Variants in NARS2 observed in about 807,000 individuals in gnomAD.
NARS2 encodes the protein asparaginyl-tRNA synthetase.
NARS2 carries 60 observed loss-of-function variants against 62.9 expected under a neutral mutation model. The ratio of observed to expected loss-of-function variants is 0.95; its 90% confidence interval spans 0.77 to 1.18. The LOEUF (loss-of-function observed/expected upper bound fraction) is 1.18. Among genes scored for constraint, NARS2 ranks in the 50% most tolerant of loss-of-function variants. The probability of loss-of-function intolerance (pLI) is 0.00; values close to 1 mark genes in which losing one functional copy is unlikely to be tolerated. For missense variants in NARS2, 619 were observed against 576.4 expected (o/e 1.07, Z -0.76); for synonymous variants, 196 against 200.0 (o/e 0.98, Z 0.17).
intron 6 of NARS2, among the ~76,000 whole-genome samples, chr11:78,513,498 C>A (rs927844434): frequency 6.6e-6 from 1 of 152,062 alleles, no homozygotes; most frequent in South Asian, 2.1e-4. Flanking sequence ...AACACGTGGG[C>A]CGGGTGCGGT....
chr11:78,507,546 G>A (rs1860551190), intron 6 of NARS2, among the ~76,000 whole-genome samples: 1 of 140,000 alleles, frequency 7.1e-6, no homozygotes, highest in Admixed American at 7.6e-5. Context: ...TTGAGACACA[G>A]TCTTGCTCTG....
intron 7 of NARS2, among the ~76,000 whole-genome samples, chr11:78,482,325 C>CAA (rs1014597091): frequency 1.3e-5 from 2 of 151,834 alleles, no homozygotes; most frequent in African/African-American, 2.4e-5. Flanking sequence ...CCTAACATCA[C>CAA]AATTAAAAGA....
intron 7 of NARS2, among the ~76,000 whole-genome samples, chr11:78,491,677 G>A (rs1859824616): frequency 6.6e-6 from 1 of 152,160 alleles, no homozygotes; most frequent in South Asian, 2.1e-4. Flanking sequence ...GTTTGTAAAT[G>A]GATCACAGTT....
rs367684892 is a variant in NARS2 at position 78,441,072 on chromosome 11, T to C, written c.1289+19A>G. ...AGACAAGCAGCTAGAGTAAGAATTA[T>C]TAGGGGCCACATTCTTACCATTGGT... is the stretch of plus-strand genomic sequence containing the variant. On this transcript the variant is annotated intron_variant, in intron 13 of 13. Transcript: ENST00000281038. 3 of 1,609,932 alleles carry C rather than the reference T, an allele frequency of 1.9e-6. No individual in the cohort carries two copies. Among genetic ancestry groups the C allele is most frequent in the African/African-American group, 2.7e-5 (2 of 74,752 alleles).
chr11:78,461,154 A>G (rs931203562), intron 11 of NARS2, among the ~76,000 whole-genome samples: 3 of 152,218 alleles, frequency 2.0e-5, no homozygotes, highest in Admixed American at 6.5e-5. Context: ...GGACGAATGT[A>G]TATGAGTCTA....
intron 4 of NARS2, among the ~76,000 whole-genome samples, chr11:78,560,002 G>A (rs1338237838): frequency 1.3e-5 from 2 of 152,112 alleles, no homozygotes; most frequent in African/African-American, 4.8e-5. Flanking sequence ...ACATTTTGGT[G>A]GTGATTTAAC....
rs1252883117 is a variant in NARS2 at position 78,559,259 on chromosome 11, C to T, written c.594+280G>A. 4.5e-5 allele frequency among the ~76,000 whole-genome samples: 6 copies of T among 134,014 alleles called. No individual in the cohort carries two copies. The East Asian group carries it at 1.2e-3, about 26-fold the overall frequency. 87.9% of individuals were successfully genotyped at this position (134,014 alleles called of 152,430 possible). ...CGGAGGTTGCAGTGAGTCGAGATCA[C>T]ACCACTGCACTCCAGCCTGGCCACA... On this transcript the variant is annotated intron_variant, in intron 5 of 13. Coordinates refer to ENST00000281038, the MANE Select transcript of NARS2 (RefSeq NM_024678.6).
chr11:78,535,629 GCT>G (rs1160620776), intron 5 of NARS2, among the ~76,000 whole-genome samples: 1 of 150,928 alleles, frequency 6.6e-6, no homozygotes, highest in East Asian at 1.9e-4. Context: ...GATCCAGAAA[GCT>G]CTTTTTTTTT....
At chr11:78,500,051 G>A (rs529710190) in intron 6 of NARS2, among the ~76,000 whole-genome samples, 123 of 152,324 alleles carry the variant, frequency 8.1e-4, no homozygotes, top group Middle Eastern at 6.8e-3. Context: ...TAGTGTTTAA[G>A]TGTTATTTAA....
chr11:78,471,196 T>A (rs1406384228), intron 9 of NARS2, among the ~76,000 whole-genome samples: 2 of 152,138 alleles, frequency 1.3e-5, no homozygotes, highest in Non-Finnish European at 2.9e-5. Flanking sequence ...AAAATTAGCA[T>A]TTTACAGAAG....
intron 13 of NARS2, among the ~76,000 whole-genome samples, chr11:78,438,650 T>C (rs1205183206): frequency 1.3e-5 from 2 of 152,204 alleles, no homozygotes; most frequent in Non-Finnish European, 2.9e-5. Context: ...TTCTAATGTA[T>C]ATGTATTTGT....
intron 5 of NARS2, among the ~76,000 whole-genome samples, chr11:78,549,374 G>A (rs546842529): frequency 6.6e-6 from 1 of 152,206 alleles, no homozygotes; most frequent in Non-Finnish European, 1.5e-5. Flanking sequence ...GGGCAAAGAA[G>A]CAGGCCATAA....
At chr11:78,535,632 CTT>C (rs879730039) in intron 5 of NARS2, among the ~76,000 whole-genome samples, 2 of 144,188 alleles carry the variant, frequency 1.4e-5, no homozygotes, top group Non-Finnish European at 1.5e-5. Context: ...CCAGAAAGCT[CTT>C]TTTTTTTTTT....
chr11:78,438,327 T>A (rs751039184), intron 13 of NARS2, among the ~76,000 whole-genome samples: 28 of 152,208 alleles, frequency 1.8e-4, no homozygotes, highest in Non-Finnish European at 2.9e-4. Context: ...CACATTCAGT[T>A]ATTCAGTCTT....
At chr11:78,530,084 CTT>C (rs1198404225) in intron 5 of NARS2, among the ~76,000 whole-genome samples, 1 of 151,728 alleles carries the variant, frequency 6.6e-6, no homozygotes, top group Non-Finnish European at 1.5e-5. Context: ...TCAGTTGAAT[CTT>C]TTATTTTTAT....
At chr11:78,468,078 A>T (rs142507230) in intron 10 of NARS2, among the ~76,000 whole-genome samples, 1 of 150,430 alleles carries the variant, frequency 6.6e-6, no homozygotes, top group Non-Finnish European at 1.5e-5. Flanking sequence ...CTGGGTACTG[A>T]GGCATGCTCC....
intron 3 of NARS2, 33 bp from the exon 4 acceptor site, chr11:78,566,305 C>A: frequency 6.5e-7 from 1 of 1,539,568 alleles, no homozygotes; most frequent in South Asian, 1.2e-5. Flanking sequence ...AATTAGAAGT[C>A]AAAAGAGATA....
At chr11:78,441,853 T>A (rs763708864) in intron 12 of NARS2, among the ~76,000 whole-genome samples, 7 of 152,256 alleles carry the variant, frequency 4.6e-5, no homozygotes, top group Non-Finnish European at 1.0e-4. Flanking sequence ...CTTCATAATA[T>A]GGTTGCACAT....
At chr11:78,478,402 A>G (rs1190213305) in intron 9 of NARS2, 36 bp downstream of exon 9, 1 of 911,594 alleles carries the variant, frequency 1.1e-6, no homozygotes, top group Non-Finnish European at 1.6e-6. Context: ...ATACAGTGAT[A>G]ATGAATAAAG....
Sources: allele counts gnomAD v4.1 joint callset (sites outside exome capture counted in the v4.1 genomes callset), GRCh38; gene constraint gnomAD v4.1.1; transcripts MANE v1.5; gene names NCBI Gene and HGNC (gene_info 2026-07-23, HGNC 2026-07-21).